USP54: variants seen among roughly 807,000 people sequenced by gnomAD.
USP54 encodes ubiquitin carboxyl-terminal hydrolase 54.
Under a neutral mutation model 170.5 loss-of-function variants are expected in USP54, and 87 were observed. The observed-to-expected ratio is 0.51, with a 90% confidence interval of 0.43 to 0.61. USP54 has a LOEUF of 0.61. USP54 is among the 20% of genes least tolerant of loss of function. The pLI is 0.00. For missense variants in USP54, 1,786 were observed against 2,047.8 expected (o/e 0.87, Z 2.47); for synonymous variants, 655 against 742.8 (o/e 0.88, Z 1.92).
intron 23 of USP54, among the ~76,000 whole-genome samples, chr10:73,500,188 T>C (rs2057790746): frequency 6.6e-6 from 1 of 152,236 alleles, no homozygotes; most frequent in Non-Finnish European, 1.5e-5. Flanking sequence ...TCTGGGTCTG[T>C]ACACATGGTG....
In USP54 at chr10:73,598,543, G is replaced by A. The variant is rs1044239370; in HGVS notation, c.-17-22868C>T. On this transcript the variant is annotated intron_variant, in intron 1 of 22. Transcript: ENST00000339859. The stretch of plus-strand genomic sequence containing the variant: ...TGTACTCCCAGCATTTTGGGAGGCC[G>A]AGAAGGCCGATCACAACAAGGTCAG... Among the ~76,000 whole-genome samples the A allele has an allele frequency of 3.3e-5, 5 of 152,234 alleles. No homozygotes were observed. The East Asian group carries it at 5.8e-4, about 18-fold the overall frequency.
At chr10:73,559,382 G>A (rs2072175414) in intron 4 of USP54, among the ~76,000 whole-genome samples, 1 of 152,018 alleles carries the variant, frequency 6.6e-6, no homozygotes, top group Admixed American at 6.6e-5. Flanking sequence ...TCAACATGGA[G>A]AAACCCTGTC....
chr10:73,505,642 G>A (rs1029865067), intron 20 of USP54: 10 of 384,144 alleles, frequency 2.6e-5, no homozygotes, highest in Non-Finnish European at 4.3e-5. Flanking sequence ...AGGCCAACAC[G>A]GGCAGATCAC....
intron 4 of USP54, chr10:73,553,280 A>T (rs1232485904): frequency 6.6e-6 from 1 of 152,178 alleles, no homozygotes; most frequent in Non-Finnish European, 1.5e-5. Context: ...ATGGCCTCTG[A>T]CTACATCTTC....
intron 20 of USP54, chr10:73,515,847 ATCTCAGC>A (rs1050722485): frequency 7.0e-6 from 1 of 143,160 alleles, no homozygotes; most frequent in Non-Finnish European, 1.5e-5. Context: ...CAGTGGTGCG[ATCTCAGC>A]TCACTGTAAC....
chr10:73,610,925 C>T (rs568875224), intron 1 of USP54, among the ~76,000 whole-genome samples: 93 of 152,160 alleles, frequency 6.1e-4, no homozygotes, highest in Middle Eastern at 3.4e-3. Context: ...AGTTTCATAC[C>T]AACAATAATA....
intron 11 of USP54, 111 bp from the exon 12 acceptor site, chr10:73,534,881 A>C (rs912561980): frequency 9.0e-6 from 9 of 1,003,082 alleles, no homozygotes; most frequent in Non-Finnish European, 1.3e-5. Context: ...CTTCCTAGAC[A>C]CAAGTGTGAG....
chr10:73,556,642 G>A (rs2071150680), intron 4 of USP54, among the ~76,000 whole-genome samples: 1 of 152,034 alleles, frequency 6.6e-6, no homozygotes, highest in Non-Finnish European at 1.5e-5. Context: ...CCGCGCCCGG[G>A]CTGAGTAATT....
intron 9 of USP54, among the ~76,000 whole-genome samples, chr10:73,540,246 A>G (rs2066298515): frequency 1.3e-5 from 2 of 151,696 alleles, no homozygotes. Flanking sequence ...AGGGCCTATC[A>G]TAAGAGGAGC....
chr10:73,604,677 G>A (rs965682935), intron 1 of USP54, among the ~76,000 whole-genome samples: 3 of 150,128 alleles, frequency 2.0e-5, no homozygotes, highest in South Asian at 2.1e-4. Flanking sequence ...TGCAAGCTCC[G>A]CCTCCCTGAT....
chr10:73,532,945 T>C (rs1052452623), intron 12 of USP54, among the ~76,000 whole-genome samples: 3 of 152,210 alleles, frequency 2.0e-5, no homozygotes, highest in Non-Finnish European at 4.4e-5. Context: ...ATGATACTTA[T>C]AAGTGGATAT....
At chr10:73,575,398 G>C (rs916555451) in intron 3 of USP54, 114 bp downstream of exon 3, 3 of 1,221,680 alleles carry the variant, frequency 2.5e-6, no homozygotes, top group Non-Finnish European at 3.2e-6. Flanking sequence ...AATTATCTCA[G>C]GTTACTAACC....
chr10:73,499,751 C>G (rs1177648643), intron 23 of USP54: 1 of 152,964 alleles, frequency 6.5e-6, no homozygotes, highest in African/African-American at 2.4e-5. Flanking sequence ...GTTACCTTCA[C>G]TTCAGTTAAG....
At chr10:73,560,574 GA>G (rs2072639482) in intron 4 of USP54, among the ~76,000 whole-genome samples, 1 of 141,696 alleles carries the variant, frequency 7.1e-6, no homozygotes, top group Non-Finnish European at 1.5e-5. Flanking sequence ...TGAGGCAGGA[GA>G]ATGGCGTGAA....
intron 1 of USP54, among the ~76,000 whole-genome samples, chr10:73,584,761 A>G (rs1455865113): frequency 6.6e-6 from 1 of 152,216 alleles, no homozygotes; most frequent in Admixed American, 6.5e-5. Flanking sequence ...TTGAGACCAG[A>G]GATAACCGAC....
At position 73,516,419 on chromosome 10, in the gene USP54, C is replaced by G; in HGVS notation, c.4007G>C (p.Gly1336Ala). Residue 1336 changes from glycine (G) to alanine (A), a missense_variant, in exon 20 of 24, where the codon GGA (glycine) becomes GCA (alanine). Physicochemically the swap from Gly to Ala is moderately conservative, Grantham distance 60. Transcript: ENST00000687698. ...CCAGGCGGTATCCTGCTGCCCCCAT[C>G]CAGAACAGCCAGCTTGAGAAGCCTG... ...SLQASQAGCS[G>A]WGQQDTAWHP... 6.2e-7 allele frequency: 1 copy of G among 1,613,912 alleles called. No individual in the cohort carries two copies. The highest frequency in any genetic ancestry group is 8.5e-7 in the Non-Finnish European group (1 of 1,179,976).
At chr10:73,591,048 G>T (rs918508969) in intron 1 of USP54, among the ~76,000 whole-genome samples, 41 of 150,248 alleles carry the variant, frequency 2.7e-4, no homozygotes, top group Non-Finnish European at 5.0e-4. Flanking sequence ...TCTAATAATT[G>T]TAACAGAGAG....
chr10:73,523,800 A>T (rs779291803), intron 16 of USP54, 50 bp from the exon 17 acceptor site: 2 of 1,524,152 alleles, frequency 1.3e-6, no homozygotes, highest in Non-Finnish European at 1.8e-6. Context: ...ACCAAGACTA[A>T]GTACTTGATG....
At chr10:73,545,847 G>A (rs1392996297) in intron 4 of USP54, among the ~76,000 whole-genome samples, 175 bp from the exon 5 acceptor site, 1 of 152,150 alleles carries the variant, frequency 6.6e-6, no homozygotes, top group Non-Finnish European at 1.5e-5. Context: ...TCAGAATGAA[G>A]GGCATGATCT....
Sources: allele counts gnomAD v4.1 joint callset (sites outside exome capture counted in the v4.1 genomes callset), GRCh38; gene constraint gnomAD v4.1.1; transcripts MANE v1.5; gene names NCBI Gene and HGNC (gene_info 2026-07-23, HGNC 2026-07-21).